The following ALPK2 variants were observed in gnomAD, a reference collection of about 807,000 sequenced individuals.
ALPK2 encodes alpha kinase 2.
ALPK2 carries 127 observed loss-of-function variants against 163.1 expected under a neutral mutation model. The ratio of observed to expected loss-of-function variants is 0.78; its 90% CI spans 0.67 to 0.90. ALPK2 has a LOEUF of 0.90. ALPK2 is among the 40% of genes least tolerant of loss of function. The pLI is 0.00. For missense variants in ALPK2, 2,360 were observed against 2,589.6 expected (o/e 0.91, Z 1.92); for synonymous variants, 953 against 959.1 (o/e 0.99, Z 0.12).
chr18:58,503,869 A>G lies in ALPK2; in HGVS notation c.6247+62T>C, dbSNP rs541715032. ...CTTCCTCTCCCTCCCCTCCCTCTCC[A>G]CCCACAGGAACATCTCTGGCCCACA... is the stretch of plus-strand genomic sequence containing the variant. On this transcript the variant is annotated intron_variant, in intron 11 of 12. Coordinates refer to ENST00000361673, the MANE Select transcript of ALPK2 (RefSeq NM_052947.4). 9.0e-5 allele frequency: 134 copies of G among 1,491,972 alleles called. No homozygotes were observed. The African/African-American group carries it at 1.7e-3, about 18-fold the overall frequency. The allele number at this position is 1,491,972 out of a possible 1,614,324, so 92.4% of individuals were successfully genotyped here.
chr18:58,615,153 C>T (rs2052159146), intron 1 of ALPK2, among the ~76,000 whole-genome samples: 1 of 152,144 alleles, frequency 6.6e-6, no homozygotes, highest in African/African-American at 2.4e-5. Context: ...TTTCACTTAA[C>T]ACAATGTTTT....
chr18:58,557,062 T>C (rs1379168016), intron 4 of ALPK2: 1 of 152,302 alleles, frequency 6.6e-6, no homozygotes, highest in African/African-American at 2.4e-5. Context: ...TGGCATGTTG[T>C]TTTTAAAGTG....
chr18:58,544,032 TCCC>T (rs2051704864), intron 4 of ALPK2, among the ~76,000 whole-genome samples: 1 of 152,152 alleles, frequency 6.6e-6, no homozygotes. Flanking sequence ...TTTCTCTACT[TCCC>T]TACAAGGTCT....
intron 3 of ALPK2, among the ~76,000 whole-genome samples, chr18:58,584,780 C>T (rs1274984257): frequency 2.0e-5 from 3 of 152,118 alleles, no homozygotes; most frequent in Non-Finnish European, 2.9e-5. Flanking sequence ...CTAAGGTGTA[C>T]AGAACAGACT....
chr18:58,619,720 G>GT (rs35757172), intron 1 of ALPK2, among the ~76,000 whole-genome samples: 2,858 of 152,162 alleles, frequency 0.019, 90 homozygotes, highest in African/African-American at 0.065. Context: ...TGCACTTTTT[G>GT]TTTTTTTCTA....
At chr18:58,494,656 T>A (rs533299425) in intron 12 of ALPK2, among the ~76,000 whole-genome samples, 1 of 152,044 alleles carries the variant, frequency 6.6e-6, no homozygotes, top group African/African-American at 2.4e-5. Flanking sequence ...AGCCCCCCCA[T>A]AGAACTTGCG....
At chr18:58,594,104 C>A (rs1054313164) in intron 3 of ALPK2, among the ~76,000 whole-genome samples, 1 of 151,898 alleles carries the variant, frequency 6.6e-6, no homozygotes, top group Non-Finnish European at 1.5e-5. Flanking sequence ...ATAGCGAACA[C>A]GTCAGGGAAC....
At chr18:58,593,457 G>C (rs1207242406) in intron 3 of ALPK2, among the ~76,000 whole-genome samples, 1 of 150,814 alleles carries the variant, frequency 6.6e-6, no homozygotes, top group Non-Finnish European at 1.5e-5. Context: ...CCAGCTACTT[G>C]GGTGGCTGAG....
chr18:58,572,434 A>C (rs747519763), intron 4 of ALPK2, among the ~76,000 whole-genome samples: 7 of 152,230 alleles, frequency 4.6e-5, no homozygotes, highest in Non-Finnish European at 1.0e-4. Flanking sequence ...TGTTCACATA[A>C]AAGTCTGTAT....
rs895047922 is a variant in ALPK2, at chr18:58,526,783, G to A, written c.5501+2308C>T. Among the ~76,000 whole-genome samples the A allele has an allele frequency of 2.8e-4, 43 of 152,004 alleles. 1 individual carries two copies. Among genetic ancestry groups the A allele is most frequent in the Non-Finnish European group, 7.4e-5 (5 of 67,924 alleles). The stretch of plus-strand genomic sequence containing the variant: ...AAGTCTTCTGACACCTAATTTCCAC[G>A]CTTTAGCCTGTTAAGGAAAGTACCC... On this transcript the variant is annotated intron_variant, in intron 6 of 12. Coordinates refer to ENST00000361673, the MANE Select transcript of ALPK2 (RefSeq NM_052947.4).
At position 58,614,149 on chromosome 18, in the gene ALPK2, C is replaced by T. The variant is rs570487561; in HGVS notation, c.-20-2332G>A. ...AACTTACATGATGGGTGGAAAGAGC[C>T]GTAATGTTGAAGAAGTGACATGGTG... On this transcript the variant is annotated intron_variant, in intron 1 of 12. Coordinates refer to ENST00000361673, the MANE Select transcript of ALPK2 (RefSeq NM_052947.4). 9.9e-5 allele frequency among the ~76,000 whole-genome samples: 15 copies of T among 152,076 alleles called. No homozygotes were observed. In the South Asian group the frequency reaches 2.1e-3, roughly 21 times the overall value.
At chr18:58,545,545 A>G (rs1023709010) in intron 4 of ALPK2, among the ~76,000 whole-genome samples, 1 of 152,190 alleles carries the variant, frequency 6.6e-6, no homozygotes, top group Non-Finnish European at 1.5e-5. Context: ...AATGGGAAAT[A>G]TGAGAAGATT....
chr18:58,481,693 G>A lies in ALPK2; in HGVS notation c.*130C>T, dbSNP rs1361695811. On this transcript the variant is annotated 3_prime_UTR_variant, in exon 13 of 13. Transcript: ENST00000361673. ...GTGATGGGTTTAGAAGCATCTTGGC[G>A]CACAGTCGGCTGGGAGTAAGGATTG... 11 of 715,270 alleles carry A rather than the reference G, an allele frequency of 1.5e-5. No individual in the cohort carries two copies. The highest frequency in any genetic ancestry group is 2.4e-5 in the Non-Finnish European group (10 of 417,068). 44.3% of individuals were successfully genotyped at this position (715,270 alleles called of 1,614,324 possible).
At chr18:58,520,073 G>A (rs966983533) in intron 8 of ALPK2, among the ~76,000 whole-genome samples, 2 of 152,062 alleles carry the variant, frequency 1.3e-5, no homozygotes, top group African/African-American at 2.4e-5. Context: ...AGAGCCATCC[G>A]TTGCCAGGAC....
chr18:58,521,914 AC>A (rs2051556345), intron 8 of ALPK2, among the ~76,000 whole-genome samples: 1 of 152,044 alleles, frequency 6.6e-6, no homozygotes, highest in Non-Finnish European at 1.5e-5. Flanking sequence ...GGCGTGAGCC[AC>A]CGCGCCTGGC....
chr18:58,554,539 G>GA (rs1019771208), intron 4 of ALPK2, among the ~76,000 whole-genome samples: 1 of 152,176 alleles, frequency 6.6e-6, no homozygotes, highest in Non-Finnish European at 1.5e-5. Context: ...CCCCATGGGG[G>GA]ATGTCCCCTC....
chr18:58,605,523 G>A (rs2052093572), intron 3 of ALPK2, among the ~76,000 whole-genome samples: 1 of 152,168 alleles, frequency 6.6e-6, no homozygotes, highest in Non-Finnish European at 1.5e-5. Context: ...ACTTCCCCCT[G>A]TGAGGCCCAC....
intron 4 of ALPK2, among the ~76,000 whole-genome samples, chr18:58,550,655 T>TAC: frequency 9.2e-5 from 1 of 10,818 alleles, no homozygotes; most frequent in East Asian, 2.8e-3. Context: ...CCCATCCCCG[T>TAC]CTCCATCATG....
chr18:58,520,131 GAA>G (rs150313418), intron 8 of ALPK2, among the ~76,000 whole-genome samples: 10,032 of 152,070 alleles, frequency 0.066, 505 homozygotes, highest in African/African-American at 0.14. Flanking sequence ...AGTTCCATGA[GAA>G]AGAATCAAGA....
Sources: gnomAD v4.1 joint callset for allele counts (sites outside exome capture counted in the v4.1 genomes callset) on GRCh38, gnomAD v4.1.1 for gene constraint, MANE v1.5 for transcripts, NCBI Gene and HGNC (gene_info 2026-07-23, HGNC 2026-07-21) for gene names.